DPP6: variants seen among roughly 807,000 people sequenced by gnomAD.
The protein encoded by DPP6 is dipeptidyl peptidase like 6.
DPP6 carries 69 observed loss-of-function variants against 122.6 expected under a neutral mutation model. That is an observed-to-expected ratio of 0.56 (90% CI 0.46 to 0.69). The LOEUF is 0.69. Among genes scored for constraint, DPP6 ranks in the 30% least tolerant of loss-of-function variants. DPP6 has a pLI of 0.00. For synonymous variants in DPP6, 418 were observed against 433.1 expected, an observed-to-expected ratio of 0.97 and a Z score of 0.43; for missense variants, 928 against 1,116.9, an observed-to-expected ratio of 0.83 and a Z score of 2.41.
At chr7:154,573,128 G>A (rs1040118080) in intron 5 of DPP6, among the ~76,000 whole-genome samples, 3 of 152,210 alleles carry the variant, frequency 2.0e-5, no homozygotes, top group Admixed American at 6.5e-5. Flanking sequence ...CTTGATTCTC[G>A]TGCTCTTGGA....
the DPP6 span, among the ~76,000 whole-genome samples, chr7:153,833,716 A>T: frequency 2.0e-5 from 3 of 151,496 alleles, no homozygotes; most frequent in African/African-American, 7.3e-5. Context: ...AGTCAAATTC[A>T]CCTATCTGGC....
the DPP6 span, among the ~76,000 whole-genome samples, chr7:153,780,088 A>G: frequency 4.0e-5 from 6 of 151,784 alleles, no homozygotes; most frequent in Non-Finnish European, 7.4e-5. Flanking sequence ...CAAGCATAAA[A>G]TTGGTTATAA....
chr7:154,703,323 AG>A (rs1840628085), intron 7 of DPP6, among the ~76,000 whole-genome samples: 1 of 152,254 alleles, frequency 6.6e-6, no homozygotes, highest in Admixed American at 6.5e-5. Flanking sequence ...TTATAATTTA[AG>A]AAATACATTT....
chr7:154,035,714 C>G (rs1179782037), intron 1 of DPP6, among the ~76,000 whole-genome samples: 2 of 152,034 alleles, frequency 1.3e-5, no homozygotes, highest in East Asian at 1.9e-4. Flanking sequence ...AAAGTTACAG[C>G]CAAGGCACAG....
rs1443362049 is a variant in DPP6, at chr7:154,605,888, A to G, written c.628-31933A>G. On this transcript the variant is annotated intron_variant, in intron 5 of 25. Transcript: ENST00000377770. ...TGAGTCTTGATACGGAGTGTTCATT[A>G]CATTCAATGCTAAATATTTCATATT... 1.7e-5 allele frequency among the ~76,000 whole-genome samples: 2 copies of G among 120,184 alleles called. 1 individual carries two copies. The highest frequency in any genetic ancestry group is 3.8e-5 in the Non-Finnish European group (2 of 53,288). The allele number at this position is 120,184 out of a possible 152,430, so 78.8% of individuals were successfully genotyped here.
At chr7:154,579,828 T>C (rs547504693) in intron 5 of DPP6, among the ~76,000 whole-genome samples, 1 of 152,208 alleles carries the variant, frequency 6.6e-6, no homozygotes, top group African/African-American at 2.4e-5. Flanking sequence ...TGTGCATTGA[T>C]GGGAGAAGAG....
chr7:154,318,653 A>G (rs1807645685), intron 1 of DPP6, among the ~76,000 whole-genome samples: 1 of 152,244 alleles, frequency 6.6e-6, no homozygotes, highest in Non-Finnish European at 1.5e-5. Flanking sequence ...GAAAGAGGCT[A>G]AGTTGTACCC....
chr7:153,804,708 C>A, the DPP6 span, among the ~76,000 whole-genome samples: 1 of 152,026 alleles, frequency 6.6e-6, no homozygotes, highest in African/African-American at 2.4e-5. Context: ...GCCTGGCCAA[C>A]ATGGTGAAAT....
the DPP6 span, among the ~76,000 whole-genome samples, chr7:153,834,143 C>T: frequency 3.3e-5 from 5 of 151,880 alleles, no homozygotes; most frequent in Admixed American, 2.0e-4. Flanking sequence ...AAAACTTAGC[C>T]GGGTGTGGCA....
chr7:154,553,274 A>G (rs1186679616), intron 4 of DPP6, among the ~76,000 whole-genome samples: 1 of 152,222 alleles, frequency 6.6e-6, no homozygotes, highest in East Asian at 1.9e-4. Context: ...CACTTTGTGT[A>G]CAGGCAGATG....
chr7:154,598,294 G>T (rs1398729255), intron 5 of DPP6, among the ~76,000 whole-genome samples: 3 of 152,110 alleles, frequency 2.0e-5, no homozygotes, highest in African/African-American at 7.2e-5. Context: ...ACTTCATAAA[G>T]GAAAACCGTT....
intron 2 of DPP6, among the ~76,000 whole-genome samples, chr7:154,455,387 C>T (rs903061290): frequency 6.6e-6 from 1 of 152,090 alleles, no homozygotes; most frequent in African/African-American, 2.4e-5. Flanking sequence ...TCAGTGTCCA[C>T]CACCACGAGC....
Position 153,923,577 on chromosome 7 carries a change from T to C in DPP6, c.51+35843T>C, listed in dbSNP as rs532778475. On this transcript the variant is annotated intron_variant, in intron 1 of 25. Coordinates refer to the DPP6 transcript ENST00000404039. ...GAGATCGAGACCATCCTGGCTAATA[T>C]GGTGAAACCTCGTCTCTACTAAAAA... Among the ~76,000 whole-genome samples the C allele has an allele frequency of 3.8e-3, 571 of 151,964 alleles. 4 individuals carry two copies. The highest frequency in any genetic ancestry group is 4.4e-3 in the Non-Finnish European group (301 of 67,966).
intron 16 of DPP6, among the ~76,000 whole-genome samples, chr7:154,807,433 C>T (rs1340470896): frequency 1.3e-5 from 2 of 152,124 alleles, no homozygotes; most frequent in African/African-American, 4.8e-5. Flanking sequence ...CTAGGAAGGG[C>T]AAATATCCTA....
chr7:153,863,150 T>C, the DPP6 span, among the ~76,000 whole-genome samples: 1 of 152,226 alleles, frequency 6.6e-6, no homozygotes, highest in Admixed American at 6.5e-5. Context: ...CCATCATGTA[T>C]TGCCTTTTAT....
intron 5 of DPP6, among the ~76,000 whole-genome samples, chr7:154,589,437 A>G (rs979576900): frequency 6.6e-6 from 1 of 152,172 alleles, no homozygotes; most frequent in Non-Finnish European, 1.5e-5. Flanking sequence ...AAAGTTCTTC[A>G]TCAGCTAATT....
At chr7:154,285,364 A>C (rs1370907584) in intron 1 of DPP6, among the ~76,000 whole-genome samples, 1 of 152,098 alleles carries the variant, frequency 6.6e-6, no homozygotes, top group East Asian at 1.9e-4. Flanking sequence ...TCCCAGGTTC[A>C]AGCGATTCTC....
chr7:153,934,605 A>C (rs1801338823), intron 1 of DPP6, among the ~76,000 whole-genome samples: 1 of 152,174 alleles, frequency 6.6e-6, no homozygotes, highest in South Asian at 2.1e-4. Flanking sequence ...GATATGCCCA[A>C]GATATTCATC....
chr7:153,838,323 C>T, the DPP6 span, among the ~76,000 whole-genome samples: 1 of 152,112 alleles, frequency 6.6e-6, no homozygotes, highest in African/African-American at 2.4e-5. Flanking sequence ...CAAAGAGAGA[C>T]AATTTCTCTC....
Sources: allele counts gnomAD v4.1 joint callset (sites outside exome capture counted in the v4.1 genomes callset), GRCh38; gene constraint gnomAD v4.1.1; transcripts MANE v1.5; gene names NCBI Gene and HGNC (gene_info 2026-07-23, HGNC 2026-07-21).